The following CPB2 variants were observed in gnomAD, a reference collection of about 807,000 sequenced individuals.
CPB2 encodes carboxypeptidase B2.
Under a neutral mutation model 57.0 loss-of-function variants are expected in CPB2, and 54 were observed. The ratio of observed to expected loss-of-function variants is 0.95; its 90% confidence interval spans 0.76 to 1.19. CPB2 has a LOEUF of 1.19. Ranked by LOEUF, CPB2 falls within the 50% of genes most tolerant of loss-of-function variation. CPB2 has a pLI of 0.00. For missense variants in CPB2, 426 were observed against 512.0 expected, an observed-to-expected ratio of 0.83 and a Z score of 1.62; for synonymous variants, 189 against 178.1, an observed-to-expected ratio of 1.06 and a Z score of -0.49.
chr13:46,057,933 T>G (rs2044718562), intron 9 of CPB2, among the ~76,000 whole-genome samples: 1 of 147,096 alleles, frequency 6.8e-6, no homozygotes, highest in African/African-American at 2.6e-5. Context: ...CTTCAAGGAA[T>G]TTGTCTGACA....
chr13:46,078,610 C>G (rs1444942985), intron 5 of CPB2, among the ~76,000 whole-genome samples, 190 bp downstream of exon 5: 2 of 152,028 alleles, frequency 1.3e-5, no homozygotes, highest in African/African-American at 2.4e-5. Context: ...ACATACAGAC[C>G]AGGACAAGAC....
At chr13:46,067,454 T>A in intron 6 of CPB2, 37 bp from the exon 7 acceptor site, 2 of 998,698 alleles carry the variant, frequency 2.0e-6, no homozygotes, top group Non-Finnish European at 3.2e-6. Flanking sequence ...TTAGATGTTT[T>A]AAGTTCTTCT....
At chr13:46,097,832 T>C (rs2139423851) in intron 1 of CPB2, among the ~76,000 whole-genome samples, 1 of 152,284 alleles carries the variant, frequency 6.6e-6, no homozygotes. Context: ...ACTCGGAGAA[T>C]TAGTACTTTA....
intron 1 of CPB2, among the ~76,000 whole-genome samples, chr13:46,094,701 A>T (rs2045341818): frequency 6.6e-6 from 1 of 152,194 alleles, no homozygotes; most frequent in Non-Finnish European, 1.5e-5. Flanking sequence ...GGAGTCGGTT[A>T]GGAGAACACA....
At chr13:46,065,171 G>A (rs1160862022) in intron 7 of CPB2, among the ~76,000 whole-genome samples, 1 of 152,044 alleles carries the variant, frequency 6.6e-6, no homozygotes, top group Non-Finnish European at 1.5e-5. Flanking sequence ...CTCTCTTTAG[G>A]TAGAATTCAC....
intron 2 of CPB2, among the ~76,000 whole-genome samples, chr13:46,086,710 C>T (rs1053059548): frequency 5.4e-4 from 82 of 152,366 alleles, no homozygotes; most frequent in Non-Finnish European, 9.4e-4. Context: ...AGGATCCTGT[C>T]TGCCTCCTAC....
At chr13:46,103,991 G>A (rs2045465684) in intron 1 of CPB2, among the ~76,000 whole-genome samples, 1 of 152,198 alleles carries the variant, frequency 6.6e-6, no homozygotes, top group Non-Finnish European at 1.5e-5. Flanking sequence ...AACAAAAGAA[G>A]ATCAATCAAC....
intron 9 of CPB2, among the ~76,000 whole-genome samples, chr13:46,057,717 C>T (rs919814033): frequency 6.6e-6 from 1 of 152,120 alleles, no homozygotes; most frequent in Non-Finnish European, 1.5e-5. Flanking sequence ...TTAATAGGAC[C>T]AAAACCCTGA....
chr13:46,058,450 A>G (rs2044727669), intron 8 of CPB2, 69 bp from the exon 9 acceptor site: 5 of 1,365,438 alleles, frequency 3.7e-6, no homozygotes, highest in Middle Eastern at 1.9e-4. Context: ...GGTTTCCCAG[A>G]CAACGTATTC....
chr13:46,080,414 G>A (rs2045094529), intron 4 of CPB2, among the ~76,000 whole-genome samples: 1 of 152,128 alleles, frequency 6.6e-6, no homozygotes, highest in Admixed American at 6.5e-5. Flanking sequence ...ATAGGGGCGG[G>A]GGTGCAAAGA....
intron 8 of CPB2, among the ~76,000 whole-genome samples, chr13:46,064,398 AAGGG>A (rs2044821839): frequency 6.6e-6 from 1 of 152,214 alleles, no homozygotes; most frequent in South Asian, 2.1e-4. Flanking sequence ...TTGAAGCTAG[AAGGG>A]ATCTTAAAAA....
chr13:46,065,209 G>A (rs1486640332), intron 7 of CPB2, among the ~76,000 whole-genome samples: 1 of 152,208 alleles, frequency 6.6e-6, no homozygotes, highest in Non-Finnish European at 1.5e-5. Flanking sequence ...TAGAAAAGGT[G>A]GAGATGTGAA....
chr13:46,077,987 A>T (rs1447968807), intron 5 of CPB2, among the ~76,000 whole-genome samples: 1 of 152,132 alleles, frequency 6.6e-6, no homozygotes, highest in Non-Finnish European at 1.5e-5. Flanking sequence ...AGAAGGAATA[A>T]GTTCTAGTGT....
At chr13:46,075,489 A>G (rs2045008751) in intron 5 of CPB2, among the ~76,000 whole-genome samples, 1 of 152,238 alleles carries the variant, frequency 6.6e-6, no homozygotes, top group Admixed American at 6.5e-5. Flanking sequence ...CAGGTTCCAG[A>G]TAAGTATGTT....
intron 5 of CPB2, among the ~76,000 whole-genome samples, chr13:46,074,484 C>G (rs913246491): frequency 3.3e-5 from 5 of 152,170 alleles, no homozygotes; most frequent in African/African-American, 1.2e-4. Flanking sequence ...CATCTAACCT[C>G]TCACGAACTT....
At chr13:46,093,645 A>T (rs201007793) in intron 1 of CPB2, among the ~76,000 whole-genome samples, 1 of 149,656 alleles carries the variant, frequency 6.7e-6, no homozygotes, top group Non-Finnish European at 1.5e-5. Context: ...TTGGAAAAAA[A>T]GTTAGAAAGA....
At chr13:46,095,030 A>T (rs1004054191) in intron 1 of CPB2, 1 of 152,136 alleles carries the variant, frequency 6.6e-6, no homozygotes, top group Non-Finnish European at 1.5e-5. Flanking sequence ...GGAAAGGGTA[A>T]TACTCAAATA....
At chr13:46,100,900 C>T (rs2045426674) in intron 1 of CPB2, 1 of 152,104 alleles carries the variant, frequency 6.6e-6, no homozygotes, top group Non-Finnish European at 1.5e-5. Context: ...AAAGATGTCT[C>T]ACACAACTCT....
intron 8 of CPB2, among the ~76,000 whole-genome samples, chr13:46,058,629 G>C (rs931079582): frequency 6.6e-6 from 1 of 152,152 alleles, no homozygotes; most frequent in African/African-American, 2.4e-5. Flanking sequence ...CCTTGAGAAA[G>C]TGGCTAAGAG....
Sources: allele counts gnomAD v4.1 joint callset (sites outside exome capture counted in the v4.1 genomes callset), GRCh38; gene constraint gnomAD v4.1.1; transcripts MANE v1.5; gene names NCBI Gene and HGNC (gene_info 2026-07-23, HGNC 2026-07-21).